Variants in SLC8A3 observed in about 807,000 individuals in gnomAD.
SLC8A3 encodes the protein sodium/calcium exchanger 3.
SLC8A3 carries 37 observed loss-of-function variants against 65.4 expected under a neutral mutation model. The ratio of observed to expected loss-of-function variants is 0.57; its 90% CI spans 0.44 to 0.74. The LOEUF is 0.74. Ranked by LOEUF, SLC8A3 falls within the 30% of genes least tolerant of loss-of-function variation. The pLI, the probability that SLC8A3 is intolerant of heterozygous loss-of-function variation, is 0.00. For synonymous variants in SLC8A3, 461 were observed against 444.5 expected, an observed-to-expected ratio of 1.04 and a Z score of -0.47; for missense variants, 1,112 against 1,172.1, an observed-to-expected ratio of 0.95 and a Z score of 0.75.
chr14:70,104,656 G>A (rs1187485606), intron 2 of SLC8A3, among the ~76,000 whole-genome samples: 1 of 152,136 alleles, frequency 6.6e-6, no homozygotes, highest in Non-Finnish European at 1.5e-5. Context: ...TAAGGTATCT[G>A]TGAAAGTCTT....
intron 2 of SLC8A3, among the ~76,000 whole-genome samples, chr14:70,077,237 C>T (rs866549764): frequency 3.3e-5 from 5 of 152,194 alleles, no homozygotes; most frequent in Middle Eastern, 3.4e-3. Flanking sequence ...TTCTGAATTC[C>T]GTGGTCTGGT....
rs545056186 is a variant in SLC8A3 at position 70,137,645 on chromosome 14, T to C, written c.1784+28994A>G. 2.0e-4 allele frequency among the ~76,000 whole-genome samples: 30 copies of C among 152,306 alleles called. No individual in the cohort carries two copies. The South Asian group carries it at 6.2e-3, about 32-fold the overall frequency. ...GCCTCTGAGAACACAACGATGCTTA[T>C]TTGTACCACCTGCTCAGAGGAGGAT... On this transcript the variant is annotated intron_variant, in intron 2 of 6. Transcript: ENST00000356921.
chr14:70,072,129 G>A (rs1181465165), intron 2 of SLC8A3, among the ~76,000 whole-genome samples: 1 of 152,152 alleles, frequency 6.6e-6, no homozygotes, highest in Non-Finnish European at 1.5e-5. Context: ...ACCCATTTGA[G>A]GACTTGATGC....
intron 2 of SLC8A3, among the ~76,000 whole-genome samples, chr14:70,132,938 C>T (rs1249482021): frequency 1.3e-5 from 2 of 152,122 alleles, no homozygotes; most frequent in African/African-American, 2.4e-5. Context: ...ATGGTAACAT[C>T]CTTGGCTTCT....
At chr14:70,143,384 C>T (rs539489973) in intron 2 of SLC8A3, among the ~76,000 whole-genome samples, 3 of 152,262 alleles carry the variant, frequency 2.0e-5, no homozygotes, top group Non-Finnish European at 2.9e-5. Context: ...AGGAGCCAGG[C>T]GTGCTTGGCT....
At chr14:70,149,689 A>C (rs1020861054) in intron 2 of SLC8A3, among the ~76,000 whole-genome samples, 13 of 152,156 alleles carry the variant, frequency 8.5e-5, no homozygotes, top group African/African-American at 3.1e-4. Context: ...CCAGAGTCCC[A>C]CTGGCAAGTG....
rs762564743 is a variant in SLC8A3 at position 70,060,913 on chromosome 14, T to C, written c.1811A>G (p.Asp604Gly). ...CTCTTGCCTTTCGTATTCCTCCTCA[T>C]CTACTATTTTAACCCTTATGGTTTT... ...TVKTIRVKIV[D>G]EEEYERQENF... is the part of the protein sequence containing the mutation. The change falls in exon 3 of 7, where the codon GAT (aspartate) becomes GGT (glycine). Residue 604 changes from aspartate to glycine, a missense_variant. Coordinates refer to ENST00000356921, the MANE Select transcript of SLC8A3 (RefSeq NM_182932.3). 20 of 1,515,400 alleles carry C rather than the reference T, an allele frequency of 1.3e-5. No individual in the cohort carries two copies. Among genetic ancestry groups the C allele is most frequent in the Non-Finnish European group, 8.8e-7 (1 of 1,131,600 alleles). 93.9% of individuals were successfully genotyped at this position (1,515,400 alleles called of 1,614,324 possible). A position where few individuals can be genotyped will look rare whatever the true frequency, so the allele number is the denominator to read the frequency against.
chr14:70,186,692 A>G (rs1883248592), intron 1 of SLC8A3, among the ~76,000 whole-genome samples: 1 of 152,140 alleles, frequency 6.6e-6, no homozygotes, highest in African/African-American at 2.4e-5. Flanking sequence ...TGTAGATTGC[A>G]ATGAGGGGCT....
chr14:70,166,488 T>C (rs1897165772), intron 2 of SLC8A3, 151 bp downstream of exon 2: 4 of 588,736 alleles, frequency 6.8e-6, no homozygotes, highest in Non-Finnish European at 1.2e-5. Flanking sequence ...ACCTGTCCAG[T>C]GGTGTCTGCT....
intron 2 of SLC8A3, among the ~76,000 whole-genome samples, chr14:70,147,634 A>C (rs1176339716): frequency 6.6e-6 from 1 of 152,180 alleles, no homozygotes; most frequent in Non-Finnish European, 1.5e-5. Flanking sequence ...CCTTTAAAAG[A>C]TGTGAGAGAT....
intron 2 of SLC8A3, among the ~76,000 whole-genome samples, chr14:70,084,356 T>C (rs1566767805): frequency 6.6e-6 from 1 of 152,198 alleles, no homozygotes; most frequent in Non-Finnish European, 1.5e-5. Context: ...TTAAGAGTAG[T>C]TTCAGTGTCT....
chr14:70,131,800 G>A (rs886568931), intron 2 of SLC8A3, among the ~76,000 whole-genome samples: 3 of 152,098 alleles, frequency 2.0e-5, no homozygotes, highest in Admixed American at 1.3e-4. Context: ...ACAATCAGGG[G>A]GATCACAGTG....
chr14:70,185,620 A>T (rs902016697), intron 1 of SLC8A3, among the ~76,000 whole-genome samples: 4 of 152,240 alleles, frequency 2.6e-5, no homozygotes, highest in Non-Finnish European at 5.9e-5. Context: ...TCAGAAGAGC[A>T]GGAACAGAGA....
intron 2 of SLC8A3, among the ~76,000 whole-genome samples, chr14:70,140,037 T>A (rs907394600): frequency 1.3e-5 from 2 of 152,226 alleles, no homozygotes; most frequent in Non-Finnish European, 2.9e-5. Flanking sequence ...TGACTTTTAA[T>A]GGTAAAAATT....
chr14:70,107,157 T>C (rs1892929666), intron 2 of SLC8A3, among the ~76,000 whole-genome samples: 1 of 152,062 alleles, frequency 6.6e-6, no homozygotes, highest in South Asian at 2.1e-4. Context: ...GACTGATTGG[T>C]TTCTATCTCC....
At chr14:70,181,045 G>GA (rs1318860228) in intron 1 of SLC8A3, among the ~76,000 whole-genome samples, 1 of 152,194 alleles carries the variant, frequency 6.6e-6, no homozygotes, top group Non-Finnish European at 1.5e-5. Flanking sequence ...TGTATGCTAT[G>GA]AAACAAGACT....
intron 2 of SLC8A3, among the ~76,000 whole-genome samples, chr14:70,136,865 A>G (rs1423691996): frequency 6.6e-6 from 1 of 152,242 alleles, no homozygotes; most frequent in Non-Finnish European, 1.5e-5. Context: ...TTGACCAAAC[A>G]TCCTTGGCAT....
intron 2 of SLC8A3, among the ~76,000 whole-genome samples, chr14:70,063,363 G>A (rs962537895): frequency 1.3e-5 from 2 of 152,172 alleles, no homozygotes; most frequent in African/African-American, 4.8e-5. Context: ...GGGACTCTAA[G>A]TTTAGCCCTG....
At chr14:70,129,893 G>A (rs553517599) in intron 2 of SLC8A3, among the ~76,000 whole-genome samples, 5 of 152,308 alleles carry the variant, frequency 3.3e-5, no homozygotes, top group South Asian at 4.1e-4. Flanking sequence ...ATATTTTCAC[G>A]CATCTTCTAC....
Sources: gnomAD v4.1 joint callset for allele counts (sites outside exome capture counted in the v4.1 genomes callset) on GRCh38, gnomAD v4.1.1 for gene constraint, MANE v1.5 for transcripts, NCBI Gene and HGNC (gene_info 2026-07-23, HGNC 2026-07-21) for gene names.